The following DOCK1 variants were observed in gnomAD, a reference collection of about 807,000 sequenced individuals.
DOCK1 encodes dedicator of cytokinesis protein 1.
DOCK1 carries 138 observed loss-of-function variants against 262.7 expected under a neutral mutation model. The ratio of observed to expected loss-of-function variants is 0.53; its 90% CI spans 0.46 to 0.61. DOCK1 has a LOEUF of 0.61. Ranked by LOEUF, DOCK1 falls within the 20% of genes least tolerant of loss-of-function variation. DOCK1 has a pLI of 0.00. For missense variants in DOCK1, 1,908 were observed against 2,370.7 expected, an observed-to-expected ratio of 0.80 and a Z score of 4.05; for synonymous variants, 866 against 867.4, an observed-to-expected ratio of 1.00 and a Z score of 0.03.
chr10:126,930,494 C>T (rs974949741), intron 1 of DOCK1, among the ~76,000 whole-genome samples: 14 of 152,330 alleles, frequency 9.2e-5, no homozygotes, highest in East Asian at 3.9e-4. Flanking sequence ...GTGCCCTTCC[C>T]GGGTGGGTTG....
intron 38 of DOCK1, among the ~76,000 whole-genome samples, chr10:127,392,722 G>A (rs868430609): frequency 1.3e-5 from 2 of 152,166 alleles, no homozygotes; most frequent in Non-Finnish European, 2.9e-5. Context: ...CTGGGAGAGC[G>A]AAAGGCCATG....
At chr10:127,042,163 C>T (rs995296423) in intron 19 of DOCK1, among the ~76,000 whole-genome samples, 1 of 152,212 alleles carries the variant, frequency 6.6e-6, no homozygotes, top group South Asian at 2.1e-4. Context: ...TTCAGAATCA[C>T]GATCCTCTTC....
intron 27 of DOCK1, among the ~76,000 whole-genome samples, chr10:127,173,448 G>A (rs1165519556): frequency 6.6e-6 from 1 of 152,200 alleles, no homozygotes; most frequent in East Asian, 1.9e-4. Flanking sequence ...TAAGAGGAGT[G>A]TAAGAAGGCG....
chr10:127,329,621 T>C (rs1004768652), intron 29 of DOCK1, among the ~76,000 whole-genome samples: 1 of 152,140 alleles, frequency 6.6e-6, no homozygotes, highest in Non-Finnish European at 1.5e-5. Flanking sequence ...CTTTGCCCTC[T>C]CTCGCGGCCT....
intron 27 of DOCK1, among the ~76,000 whole-genome samples, chr10:127,191,833 G>T (rs1486565616): frequency 6.6e-6 from 1 of 152,196 alleles, no homozygotes; most frequent in Non-Finnish European, 1.5e-5. Context: ...TGGAACCCCT[G>T]CTTTGGGATA....
At chr10:127,392,999 G>T (rs1051097271) in intron 38 of DOCK1, among the ~76,000 whole-genome samples, 1 of 152,150 alleles carries the variant, frequency 6.6e-6, no homozygotes, top group Non-Finnish European at 1.5e-5. Context: ...TTAAGTGACC[G>T]AACGGGCAGA....
At chr10:126,985,170 AG>A (rs530590577) in intron 4 of DOCK1, among the ~76,000 whole-genome samples, 9,216 of 151,830 alleles carry the variant, frequency 0.061, 321 homozygotes, top group Non-Finnish European at 0.068. Context: ...TAGTAGAGAC[AG>A]GGTTTCACCA....
In DOCK1 at chr10:127,444,274, A is replaced by G; in HGVS notation, c.5408A>G (p.Gln1803Arg). The part of the protein sequence containing the change: ...TPRAKLSFSM[Q>R]SSLELNGMTG... ...AGGGCCAAGCTCAGCTTCAGCATGC[A>G]GTCGAGTAAGTGGAACGCTCCCCAC... The change falls in exon 50 of 52, where the codon CAG becomes CGG. Residue 1803 changes from glutamine (Q) to arginine (R), a missense_variant. Coordinates refer to ENST00000623213, the MANE Select transcript of DOCK1 (RefSeq NM_001290223.2). 1 of 1,604,206 alleles carries G rather than the reference A, an allele frequency of 6.2e-7. No individual in the cohort carries two copies. Among genetic ancestry groups the G allele is most frequent in the Non-Finnish European group, 8.5e-7 (1 of 1,176,212 alleles).
At chr10:127,200,998 C>T (rs573330558) in intron 27 of DOCK1, among the ~76,000 whole-genome samples, 1 of 152,310 alleles carries the variant, frequency 6.6e-6, no homozygotes, top group East Asian at 1.9e-4. Context: ...CAGGTTACAC[C>T]CGTCAGTTCA....
intron 29 of DOCK1, among the ~76,000 whole-genome samples, chr10:127,263,266 C>T (rs562444204): frequency 1.2e-5 from 1 of 85,716 alleles, no homozygotes; most frequent in Non-Finnish European, 2.4e-5. Flanking sequence ...GTCTCCCTAG[C>T]ATTGTCATAA....
chr10:127,264,979 T>A (rs779309538), intron 29 of DOCK1, among the ~76,000 whole-genome samples: 1 of 152,148 alleles, frequency 6.6e-6, no homozygotes, highest in Non-Finnish European at 1.5e-5. Flanking sequence ...ATGATGTAGA[T>A]CTTTATATAG....
intron 29 of DOCK1, among the ~76,000 whole-genome samples, chr10:127,303,423 C>A (rs1466682269): frequency 2.0e-5 from 3 of 152,082 alleles, no homozygotes; most frequent in African/African-American, 4.8e-5. Context: ...CTCAGAGGAG[C>A]CTGGCTAACA....
intron 25 of DOCK1, among the ~76,000 whole-genome samples, chr10:127,118,466 A>G (rs1027569253): frequency 1.3e-5 from 2 of 152,212 alleles, no homozygotes; most frequent in Non-Finnish European, 2.9e-5. Flanking sequence ...AGAGTAAAAG[A>G]TACAAAATAT....
At chr10:127,088,976 C>T (rs540792465) in intron 23 of DOCK1, among the ~76,000 whole-genome samples, 7 of 152,280 alleles carry the variant, frequency 4.6e-5, no homozygotes, top group Non-Finnish European at 8.8e-5. Flanking sequence ...CTGGAACCCT[C>T]TCTCCCTAAC....
intron 29 of DOCK1, among the ~76,000 whole-genome samples, chr10:127,280,524 T>C (rs186518157): frequency 2.6e-5 from 4 of 152,318 alleles, no homozygotes; most frequent in Admixed American, 1.3e-4. Flanking sequence ...AAGGCCAGAA[T>C]GAAGGGAGCT....
intron 31 of DOCK1, among the ~76,000 whole-genome samples, chr10:127,351,718 C>T (rs1004200552): frequency 6.6e-6 from 1 of 152,066 alleles, no homozygotes; most frequent in Non-Finnish European, 1.5e-5. Context: ...TCCTTTTTTC[C>T]TCCTCCATGG....
intron 23 of DOCK1, among the ~76,000 whole-genome samples, chr10:127,101,237 G>T (rs930632360): frequency 6.6e-6 from 1 of 151,886 alleles, no homozygotes; most frequent in Non-Finnish European, 1.5e-5. Context: ...GATGGGAGGG[G>T]TGGGGGTCAG....
At chr10:127,268,024 G>A (rs2060428110) in intron 29 of DOCK1, among the ~76,000 whole-genome samples, 1 of 152,166 alleles carries the variant, frequency 6.6e-6, no homozygotes, top group South Asian at 2.1e-4. Context: ...ACAATGTCCA[G>A]ACACGTTGTT....
intron 49 of DOCK1, among the ~76,000 whole-genome samples, chr10:127,440,652 CAG>C (rs2070051488): frequency 6.6e-6 from 1 of 152,178 alleles, no homozygotes. Context: ...TCATGCCACT[CAG>C]AAAGCAGTCA....
Sources: allele counts gnomAD v4.1 joint callset (sites outside exome capture counted in the v4.1 genomes callset), GRCh38; gene constraint gnomAD v4.1.1; transcripts MANE v1.5; gene names NCBI Gene and HGNC (gene_info 2026-07-23, HGNC 2026-07-21).